Variants in KCNH1 observed in about 807,000 individuals in gnomAD.
KCNH1 encodes voltage-gated delayed rectifier potassium channel KCNH1.
Under a neutral mutation model 69.2 loss-of-function variants are expected in KCNH1, and 27 were observed. That is an observed-to-expected ratio of 0.39 (90% CI 0.29 to 0.54). KCNH1 has a LOEUF of 0.54. Among genes scored for constraint, KCNH1 ranks in the 20% least tolerant of loss-of-function variants. KCNH1 has a pLI of 0.68. For synonymous variants in KCNH1, 456 were observed against 487.7 expected (o/e 0.93, Z 0.86); for missense variants, 798 against 1,261.6 (o/e 0.63, Z 5.57).
At chr1:211,031,276 A>G (rs973487316) in intron 5 of KCNH1, among the ~76,000 whole-genome samples, 3 of 152,186 alleles carry the variant, frequency 2.0e-5, no homozygotes, top group Admixed American at 2.0e-4. Flanking sequence ...AAAAAAGTCC[A>G]GAACCAGATG....
intron 10 of KCNH1, among the ~76,000 whole-genome samples, chr1:210,749,760 T>G (rs1445433839): frequency 2.0e-5 from 3 of 150,786 alleles, no homozygotes; most frequent in Non-Finnish European, 4.4e-5. Flanking sequence ...TTTTTTTTTT[T>G]GAGATGGAGC....
intron 6 of KCNH1, among the ~76,000 whole-genome samples, chr1:210,964,729 GACTCATCCCTA>G (rs1200017796): frequency 6.6e-6 from 1 of 152,074 alleles, no homozygotes; most frequent in African/African-American, 2.4e-5. Context: ...GAAAAACAGG[GACTCATCCCTA>G]ACTCATTTTA....
chr1:210,898,454 C>A (rs1436955641), intron 7 of KCNH1, among the ~76,000 whole-genome samples: 1 of 152,194 alleles, frequency 6.6e-6, no homozygotes, highest in African/African-American at 2.4e-5. Flanking sequence ...AAGAAACATA[C>A]AACCTGCAAG....
intron 6 of KCNH1, among the ~76,000 whole-genome samples, chr1:210,998,136 T>C (rs1227621839): frequency 2.0e-5 from 3 of 152,168 alleles, no homozygotes; most frequent in Admixed American, 2.0e-4. Context: ...AACATCACAA[T>C]GACAGGACCA....
intron 6 of KCNH1, among the ~76,000 whole-genome samples, chr1:210,960,475 T>C (rs1471842472): frequency 6.6e-6 from 1 of 152,230 alleles, no homozygotes; most frequent in Non-Finnish European, 1.5e-5. Flanking sequence ...TCTGCCACTA[T>C]AGATCAGTTT....
intron 7 of KCNH1, chr1:210,860,207 T>C (rs1685947248): frequency 1.4e-6 from 2 of 1,394,848 alleles, no homozygotes; most frequent in Non-Finnish European, 2.0e-6. Flanking sequence ...AGGGGCATCA[T>C]ATCTGTAAAG....
intron 1 of KCNH1, among the ~76,000 whole-genome samples, chr1:211,114,185 A>T (rs955968365): frequency 6.6e-6 from 1 of 152,070 alleles, no homozygotes; most frequent in Non-Finnish European, 1.5e-5. Flanking sequence ...AAGGAACAAG[A>T]GGGGAAAAAT....
At chr1:210,892,843 G>T (rs555343630) in intron 7 of KCNH1, among the ~76,000 whole-genome samples, 1 of 152,234 alleles carries the variant, frequency 6.6e-6, no homozygotes, top group South Asian at 2.1e-4. Flanking sequence ...ATAAGCATTT[G>T]TTGATCATTG....
intron 10 of KCNH1, among the ~76,000 whole-genome samples, chr1:210,769,378 C>T (rs1338168831): frequency 6.6e-6 from 1 of 152,132 alleles, no homozygotes; most frequent in African/African-American, 2.4e-5. Flanking sequence ...ATATGGTATT[C>T]AAGACAGTTC....
At chr1:210,770,267 A>G (rs968100530) in intron 10 of KCNH1, among the ~76,000 whole-genome samples, 2 of 152,140 alleles carry the variant, frequency 1.3e-5, no homozygotes, top group African/African-American at 4.8e-5. Context: ...TGGGACTTAA[A>G]ACCTAGATGA....
intron 7 of KCNH1, among the ~76,000 whole-genome samples, chr1:210,813,774 T>G (rs553974790): frequency 6.6e-6 from 1 of 152,360 alleles, no homozygotes; most frequent in East Asian, 1.9e-4. Flanking sequence ...AAATCTCATC[T>G]TGAATTGCAG....
At chr1:210,702,538 A>G (rs1037383203) in intron 10 of KCNH1, among the ~76,000 whole-genome samples, 1 of 152,188 alleles carries the variant, frequency 6.6e-6, no homozygotes, top group Non-Finnish European at 1.5e-5. Flanking sequence ...ATTTTTAAAT[A>G]GCATCCTGTT....
chr1:210,711,907 C>T (rs1682085530), intron 10 of KCNH1, among the ~76,000 whole-genome samples: 1 of 152,152 alleles, frequency 6.6e-6, no homozygotes, highest in Non-Finnish European at 1.5e-5. Context: ...TGGAGGAAGC[C>T]CCTGGACCCC....
At chr1:210,686,984 G>A (rs571158222) in intron 10 of KCNH1, among the ~76,000 whole-genome samples, 1 of 152,232 alleles carries the variant, frequency 6.6e-6, no homozygotes, top group South Asian at 2.1e-4. Context: ...CATAAATATT[G>A]GCTAATGAAT....
chr1:210,995,571 G>A (rs1571561307), intron 6 of KCNH1, among the ~76,000 whole-genome samples: 1 of 152,312 alleles, frequency 6.6e-6, no homozygotes, highest in East Asian at 1.9e-4. Context: ...AATTCAGATA[G>A]CTAATAGGGT....
chr1:210,946,607 C>A (rs1687963347), intron 6 of KCNH1, among the ~76,000 whole-genome samples: 1 of 152,130 alleles, frequency 6.6e-6, no homozygotes, highest in Non-Finnish European at 1.5e-5. Context: ...AAAAACATGG[C>A]CCAAATTTGT....
chr1:210,880,722 A>T (rs1359046666), intron 7 of KCNH1, among the ~76,000 whole-genome samples: 1 of 152,184 alleles, frequency 6.6e-6, no homozygotes, highest in African/African-American at 2.4e-5. Flanking sequence ...GAAATAACGG[A>T]TAAGGTGGAC....
intron 7 of KCNH1, among the ~76,000 whole-genome samples, chr1:210,869,072 A>G (rs1175907372): frequency 6.6e-6 from 1 of 152,064 alleles, no homozygotes; most frequent in Non-Finnish European, 1.5e-5. Flanking sequence ...TTTTTGTTAC[A>G]GCTCTTTAAA....
chr1:210,796,381 C>A (rs571481901), intron 9 of KCNH1, among the ~76,000 whole-genome samples: 4 of 152,188 alleles, frequency 2.6e-5, no homozygotes, highest in African/African-American at 9.6e-5. Flanking sequence ...GTGTCAAATG[C>A]TGTGTCAAAT....
Sources: gnomAD v4.1 joint callset for allele counts (sites outside exome capture counted in the v4.1 genomes callset) on GRCh38, gnomAD v4.1.1 for gene constraint, MANE v1.5 for transcripts, NCBI Gene and HGNC (gene_info 2026-07-23, HGNC 2026-07-21) for gene names.